PKHD1L1: variants seen among roughly 807,000 people sequenced by gnomAD.
PKHD1L1 encodes the protein fibrocystin-L.
In PKHD1L1, 434 loss-of-function variants were observed where a neutral mutation model predicts 462.9. The ratio of observed to expected loss-of-function variants is 0.94; its 90% CI spans 0.87 to 1.02. The LOEUF (loss-of-function observed/expected upper bound fraction) is 1.02, where lower values mean the gene tolerates loss of function less well. Ranked by LOEUF, PKHD1L1 falls within the 50% of genes least tolerant of loss-of-function variation. The pLI, the probability that PKHD1L1 is intolerant of heterozygous loss-of-function variation, is 0.00. For missense variants in PKHD1L1, 5,202 were observed against 5,096.1 expected (o/e 1.02, Z -0.63); for synonymous variants, 1,781 against 1,750.0 (o/e 1.02, Z -0.44).
chr8:109,457,831 CA>C, intron 46 of PKHD1L1, among the ~76,000 whole-genome samples: 1 of 152,244 alleles, frequency 6.6e-6, no homozygotes, highest in East Asian at 1.9e-4. Flanking sequence ...CTAAAGAAAT[CA>C]TTGTATCATC....
intron 53 of PKHD1L1, 71 bp from the exon 54 acceptor site, chr8:109,479,480 T>C: frequency 9.5e-7 from 1 of 1,050,036 alleles, no homozygotes; most frequent in Non-Finnish European, 1.4e-6. Flanking sequence ...AATGGAACGG[T>C]TTACATTTTA....
intron 14 of PKHD1L1, 26 bp downstream of exon 14, chr8:109,401,614 T>A: frequency 8.3e-7 from 1 of 1,205,512 alleles, no homozygotes; most frequent in Non-Finnish European, 1.2e-6. Flanking sequence ...GTCATTAAAT[T>A]ACTGTGTGGT....
In PKHD1L1 at chr8:109,504,509, T is replaced by A. The variant is rs720138; in HGVS notation, c.10994+17T>A. On this transcript the variant is annotated intron_variant, in intron 68 of 77. Coordinates refer to ENST00000378402, the MANE Select transcript of PKHD1L1 (RefSeq NM_177531.6). ...TGATATAAGGTAAAATACATAAAAA[T>A]TGTGGTTTTTCTATCTTTATAGTTT... 4 of 1,414,926 alleles carry A rather than the reference T, an allele frequency of 2.8e-6. No homozygotes were observed. The highest frequency in any genetic ancestry group is 3.2e-5 in the Admixed American group (1 of 31,464). 87.6% of individuals were successfully genotyped at this position (1,414,926 alleles called of 1,614,324 possible).
chr8:109,405,602 C>G (rs1235640771), intron 16 of PKHD1L1, among the ~76,000 whole-genome samples: 1 of 151,726 alleles, frequency 6.6e-6, no homozygotes, highest in Admixed American at 6.6e-5. Context: ...AAACCAAACA[C>G]TGCATGTTCT....
chr8:109,419,055 T>C, intron 21 of PKHD1L1, 42 bp from the exon 22 acceptor site: 1 of 1,509,744 alleles, frequency 6.6e-7, no homozygotes, highest in Non-Finnish European at 9.0e-7. Context: ...TGCTTAAACA[T>C]TACCACTGAT....
chr8:109,429,948 A>G lies in PKHD1L1; in HGVS notation c.3140A>G (p.Asn1047Ser), dbSNP rs753917864. 1.0e-4 allele frequency: 167 copies of G among 1,612,050 alleles called. No individual in the cohort carries two copies. The highest frequency in any genetic ancestry group is 1.7e-4 in the Middle Eastern group (1 of 6,054). ...SQQPQVEVYV[N>S]GIPAKCSGDC... ...TACTTGAAGGTTGAAGTCTATGTCA[A>G]TGGAATTCCAGCTAAATGTTCAGGT... The change falls in exon 27 of 78, where the codon AAT becomes AGT. Residue 1047 changes from asparagine (N) to serine (S), a missense_variant. Physicochemically the swap from Asn to Ser is conservative, Grantham distance 46 (BLOSUM62 1). Coordinates refer to ENST00000378402, the MANE Select transcript of PKHD1L1 (RefSeq NM_177531.6).
intron 59 of PKHD1L1, 149 bp from the exon 60 acceptor site, chr8:109,489,803 G>A (rs1465550404): frequency 1.1e-5 from 7 of 623,218 alleles, no homozygotes. Context: ...AATGAAAAGA[G>A]GTCTGAGAAA....
chr8:109,440,871 G>A lies in PKHD1L1; in HGVS notation c.4099+19G>A, dbSNP rs1290711358. 6.2e-7 allele frequency: 1 copy of A among 1,605,894 alleles called. No individual in the cohort carries two copies. Among genetic ancestry groups the A allele is most frequent in the Non-Finnish European group, 8.5e-7 (1 of 1,175,840 alleles). On this transcript the variant is annotated intron_variant, in intron 33 of 77. Coordinates refer to ENST00000378402, the MANE Select transcript of PKHD1L1 (RefSeq NM_177531.6). Reference sequence around the variant, plus strand: ...CTGTTAGGTAAGAGCTTCATTCATAGGAAAGTGATTATCATTTTTCTCAGC... The same window carrying A: ...CTGTTAGGTAAGAGCTTCATTCATAAGAAAGTGATTATCATTTTTCTCAGC...
intron 23 of PKHD1L1, among the ~76,000 whole-genome samples, chr8:109,423,935 T>C (rs1814606162): frequency 6.6e-6 from 1 of 152,224 alleles, no homozygotes; most frequent in Non-Finnish European, 1.5e-5. Flanking sequence ...GTTTTTAAAT[T>C]CGATTTCCAC....
At chr8:109,465,895 C>T (rs1279562193) in intron 49 of PKHD1L1, among the ~76,000 whole-genome samples, 3 of 152,098 alleles carry the variant, frequency 2.0e-5, no homozygotes, top group Non-Finnish European at 4.4e-5. Context: ...CATAAACATT[C>T]ATGATTTCTA....
chr8:109,486,814 A>G lies in PKHD1L1; in HGVS notation c.9873A>G (p.Thr3291=). ...GCTCATTCACTGAAAATATGATGAC[A>G]TTTAAAGGTTGGTATCAATTCAGTT... is the stretch of plus-strand genomic sequence containing the variant. ...LVGSFTENMM[T]FKGNARISNV... Residue 3291 remains threonine, a synonymous_variant, in exon 59 of 78, where the codon ACA becomes ACG. Coordinates refer to ENST00000378402, the MANE Select transcript of PKHD1L1 (RefSeq NM_177531.6). 6.2e-7 allele frequency: 1 copy of G among 1,611,586 alleles called. No homozygotes were observed. The highest frequency in any genetic ancestry group is 8.5e-7 in the Non-Finnish European group (1 of 1,178,366).
At chr8:109,516,394 GAGAGA>G (rs1170464692) in intron 72 of PKHD1L1, among the ~76,000 whole-genome samples, 1 of 152,058 alleles carries the variant, frequency 6.6e-6, no homozygotes, top group Non-Finnish European at 1.5e-5. Context: ...TGACATGGCT[GAGAGA>G]GTGCAAGCAA....
In PKHD1L1 at chr8:109,533,600, T is replaced by G. The variant is rs1821089349; in HGVS notation, c.*3510T>G. Among the ~76,000 whole-genome samples the G allele has an allele frequency of 6.6e-6, 1 of 152,204 alleles. No individual in the cohort carries two copies. Among genetic ancestry groups the G allele is most frequent in the Non-Finnish European group, 1.5e-5 (1 of 68,036 alleles). ...AAACAGACATTATCTCGTGGCATAT[T>G]CTAGAAACTGACCTTAAAACATAGC... On this transcript the variant is annotated 3_prime_UTR_variant, in exon 78 of 78. Transcript: ENST00000378402.
In PKHD1L1 at chr8:109,440,696, A is replaced by T; in HGVS notation, c.3957-14A>T. On this transcript the variant is annotated splice_polypyrimidine_tract_variant and intron_variant, in intron 32 of 77. Coordinates refer to ENST00000378402, the MANE Select transcript of PKHD1L1 (RefSeq NM_177531.6). Reference sequence around the variant, plus strand: ...AGGAAGCTCATTGAAAAATCTATTCATTTTTTTTCTCAGAGACAAATTAAA... The same window carrying T: ...AGGAAGCTCATTGAAAAATCTATTCTTTTTTTTTCTCAGAGACAAATTAAA... 2 of 1,600,546 alleles carry T rather than the reference A, an allele frequency of 1.2e-6. No individual in the cohort carries two copies. Among genetic ancestry groups the T allele is most frequent in the African/African-American group, 1.3e-5 (1 of 74,524 alleles).
At chr8:109,501,894 C>T (rs566326748) in intron 67 of PKHD1L1, among the ~76,000 whole-genome samples, 9 of 152,168 alleles carry the variant, frequency 5.9e-5, no homozygotes, top group African/African-American at 2.2e-4. Context: ...CCTGAACATC[C>T]AGTCTACTTC....
chr8:109,491,245 G>A, intron 61 of PKHD1L1, 144 bp downstream of exon 61: 1 of 815,892 alleles, frequency 1.2e-6, no homozygotes, highest in Non-Finnish European at 1.7e-6. Context: ...TAATTACTAA[G>A]TCATATGTGT....
In PKHD1L1 at chr8:109,454,226, AC is replaced by A; in HGVS notation, c.6725del (p.Thr2242LysfsTer56). ...ACTCCAGGCAGAAAATATTCTAATT[AC>A]AGATGGAGGTGTTCTTCAGGTATTC... ...IELQAENILI[T>X]DGGVLQIGTE... is the part of the protein sequence containing the mutation. On this transcript the variant is annotated frameshift_variant, in exon 44 of 78. Transcript: ENST00000378402. LOFTEE classifies it high-confidence loss of function. The A allele has an allele frequency of 6.2e-7, 1 of 1,606,878 alleles. No individual in the cohort carries two copies. Among genetic ancestry groups the A allele is most frequent in the East Asian group, 2.2e-5 (1 of 44,622 alleles).
At chr8:109,502,002 G>A (rs963508506) in intron 67 of PKHD1L1, among the ~76,000 whole-genome samples, 4 of 151,830 alleles carry the variant, frequency 2.6e-5, no homozygotes, top group Admixed American at 6.6e-5. Flanking sequence ...CAAAAAGTAG[G>A]TGACCCTGTG....
intron 18 of PKHD1L1, among the ~76,000 whole-genome samples, chr8:109,408,762 G>T (rs1471781271): frequency 6.6e-6 from 1 of 152,180 alleles, no homozygotes; most frequent in Non-Finnish European, 1.5e-5. Flanking sequence ...CACTAGTGGA[G>T]CATCCTTTCA....
Sources: gnomAD v4.1 joint callset for allele counts (sites outside exome capture counted in the v4.1 genomes callset) on GRCh38, gnomAD v4.1.1 for gene constraint, MANE v1.5 for transcripts, NCBI Gene and HGNC (gene_info 2026-07-23, HGNC 2026-07-21) for gene names.